The following TRPA1 variants were observed in gnomAD, a reference collection of about 807,000 sequenced individuals.
TRPA1 encodes the protein ankyrin-like with transmembrane domains 1.
Under a neutral mutation model 131.3 loss-of-function variants are expected in TRPA1, and 129 were observed. The observed-to-expected ratio is 0.98, with a 90% CI of 0.85 to 1.14. The LOEUF (loss-of-function observed/expected upper bound fraction) is 1.14. Among genes scored for constraint, TRPA1 ranks in the 50% most tolerant of loss-of-function variants. The probability of loss-of-function intolerance (pLI) is 0.00; values close to 1 mark genes in which losing one functional copy is unlikely to be tolerated. For synonymous variants in TRPA1, 441 were observed against 451.7 expected, an observed-to-expected ratio of 0.98 and a Z score of 0.30; for missense variants, 1,304 against 1,354.2, an observed-to-expected ratio of 0.96 and a Z score of 0.58.
upstream of TRPA1, among the ~76,000 whole-genome samples, chr8:72,078,716 C>T (rs1235552232): frequency 1.3e-5 from 2 of 152,044 alleles, no homozygotes; most frequent in Admixed American, 1.3e-4. Flanking sequence ...CTGCTCTGAA[C>T]ATTTTCATAC....
intron 4 of TRPA1, among the ~76,000 whole-genome samples, chr8:72,064,913 G>C (rs1805896093): frequency 6.6e-6 from 1 of 152,104 alleles, no homozygotes; most frequent in Admixed American, 6.5e-5. Flanking sequence ...GACAAGGCTG[G>C]CTCTACTCTC....
chr8:72,054,645 A>AG (rs1272619603), intron 12 of TRPA1: 3 of 152,340 alleles, frequency 2.0e-5, no homozygotes, highest in Non-Finnish European at 4.4e-5. Flanking sequence ...TCCCCTTTGC[A>AG]GGTCAGTTGC....
chr8:72,023,430 T>C, intron 26 of TRPA1: 1 of 466,170 alleles, frequency 2.1e-6, no homozygotes, highest in Non-Finnish European at 3.9e-6. Flanking sequence ...GGGTTTGAAC[T>C]CAGGTACTAA....
At position 72,052,737 on chromosome 8, in the gene TRPA1, T is replaced by C; in HGVS notation, c.1673A>G (p.Glu558Gly). Residue 558 changes from glutamate to glycine, a missense_variant, in exon 14 of 27, where the codon GAA (glutamate) becomes GGA (glycine). Physicochemically the swap from Glu to Gly is moderately conservative, Grantham distance 98. Transcript: ENST00000262209. ...GNTALHFAAR[E>G]GHAKAVALLL... The stretch of plus-strand genomic sequence containing the variant: ...AAGCGCAACGGCTTTGGCGTGGCCT[T>C]CCCTTGCAGCAAAGTGAAGTGCAGT... 1 of 1,613,426 alleles carries C rather than the reference T, an allele frequency of 6.2e-7. No homozygotes were observed. Among genetic ancestry groups the C allele is most frequent in the East Asian group, 2.2e-5 (1 of 44,854 alleles).
chr8:72,040,731 A>G lies in TRPA1; in HGVS notation c.2062-934T>C, dbSNP rs145526433. 4.6e-3 allele frequency among the ~76,000 whole-genome samples: 694 copies of G among 152,222 alleles called. 3 individuals are homozygous for G. The highest frequency in any genetic ancestry group is 6.1e-3 in the Non-Finnish European group (415 of 67,964). On this transcript the variant is annotated intron_variant, in intron 17 of 26. Transcript: ENST00000262209. ...GGGTCTTAGTCTAGCACCAGAGAAG[A>G]TAGAGTGTCAACAGACAGATCCTAG...
intron 15 of TRPA1, among the ~76,000 whole-genome samples, chr8:72,047,774 T>C (rs1277817985): frequency 6.6e-6 from 1 of 152,134 alleles, no homozygotes; most frequent in Admixed American, 6.6e-5. Flanking sequence ...TTGGATCCCA[T>C]CCTTATGATG....
At chr8:72,056,390 A>G (rs1805668529) in intron 10 of TRPA1, 1 of 166,346 alleles carries the variant, frequency 6.0e-6, no homozygotes, top group Non-Finnish European at 1.3e-5. Context: ...TTTGATTATT[A>G]AATACTGGCA....
chr8:72,062,174 G>A, intron 6 of TRPA1: 1 of 199,670 alleles, frequency 5.0e-6, no homozygotes, highest in Non-Finnish European at 1.0e-5. Flanking sequence ...AAGTTAAAAG[G>A]CAGTGTTAGC....
At chr8:72,038,171 T>C (rs985072425) in intron 19 of TRPA1, 99 bp from the exon 20 acceptor site, 1 of 691,326 alleles carries the variant, frequency 1.4e-6, no homozygotes, top group Non-Finnish European at 2.4e-6. Flanking sequence ...CTTTTTTTTT[T>C]GCTTAATTTC....
intron 3 of TRPA1, among the ~76,000 whole-genome samples, chr8:72,068,065 C>T (rs1253522122): frequency 6.6e-6 from 1 of 152,178 alleles, no homozygotes; most frequent in Non-Finnish European, 1.5e-5. Flanking sequence ...TTTAATAGAG[C>T]CACATACAAG....
intron 19 of TRPA1, 155 bp downstream of exon 19, chr8:72,038,710 A>G (rs1812143388): frequency 1.5e-5 from 10 of 665,550 alleles, no homozygotes; most frequent in Admixed American, 3.1e-5. Context: ...CTCCTTCCAC[A>G]AAGGATTTTA....
rs768604987 is a variant in TRPA1 at position 72,071,798 on chromosome 8, C to G, written c.181G>C (p.Asp61His). ...TAATGCAAGAAGAAGGTGTCCATAT[C>G]GTCACATCTTTTTAATTTCTTTTGC... ...NKQKKLKRCD[D>H]MDTFFLHYAA... Residue 61 changes from aspartate (D) to histidine (H), a missense_variant, in exon 2 of 27, where the codon GAT (aspartate) becomes CAT (histidine). Asp to His is a moderately conservative substitution (Grantham distance 81). Coordinates refer to ENST00000262209, the MANE Select transcript of TRPA1 (RefSeq NM_007332.3). 14 of 1,613,220 alleles carry G rather than the reference C, an allele frequency of 8.7e-6. No individual in the cohort carries two copies. The Admixed American group carries it at 2.2e-4, about 25-fold the overall frequency.
intron 17 of TRPA1, among the ~76,000 whole-genome samples, chr8:72,042,161 A>G (rs1359046812): frequency 6.6e-6 from 1 of 151,920 alleles, no homozygotes; most frequent in Non-Finnish European, 1.5e-5. Context: ...ATAAGGAGTT[A>G]ATATCCAGAA....
At chr8:72,089,868 C>A in the TRPA1 span, among the ~76,000 whole-genome samples, 4 of 151,914 alleles carry the variant, frequency 2.6e-5, no homozygotes, top group Non-Finnish European at 5.9e-5. Flanking sequence ...TATCAGAAAC[C>A]TGTACTCATC....
At chr8:72,082,162 A>T in the TRPA1 span, among the ~76,000 whole-genome samples, 1 of 151,930 alleles carries the variant, frequency 6.6e-6, no homozygotes, top group Non-Finnish European at 1.5e-5. Flanking sequence ...TATAGTGATT[A>T]CAATGTTCAT....
At chr8:72,053,055 A>C in intron 13 of TRPA1, 1 of 363,570 alleles carries the variant, frequency 2.8e-6, no homozygotes, top group Non-Finnish European at 5.2e-6. Flanking sequence ...ATGAATTCCA[A>C]GGCATTTGTT....
intron 15 of TRPA1, among the ~76,000 whole-genome samples, chr8:72,048,431 A>G (rs539263161): frequency 2.0e-5 from 3 of 152,144 alleles, no homozygotes; most frequent in Non-Finnish European, 4.4e-5. Context: ...AAAGGGACTA[A>G]GAAAATTACA....
intron 1 of TRPA1, among the ~76,000 whole-genome samples, chr8:72,074,355 A>C (rs1208546765): frequency 6.6e-6 from 1 of 152,254 alleles, no homozygotes; most frequent in Non-Finnish European, 1.5e-5. Flanking sequence ...TTTTGTGAGT[A>C]AATCAGAGTG....
intron 17 of TRPA1, among the ~76,000 whole-genome samples, chr8:72,044,972 G>A (rs1253568862): frequency 6.6e-6 from 1 of 151,742 alleles, no homozygotes; most frequent in East Asian, 1.9e-4. Flanking sequence ...TTCTTATTCT[G>A]ATAATGGAGA....
Sources: gnomAD v4.1 joint callset for allele counts (sites outside exome capture counted in the v4.1 genomes callset) on GRCh38, gnomAD v4.1.1 for gene constraint, MANE v1.5 for transcripts, NCBI Gene and HGNC (gene_info 2026-07-23, HGNC 2026-07-21) for gene names.